The following BRINP1 variants were observed in gnomAD, a reference collection of about 807,000 sequenced individuals.
BRINP1 encodes the protein BMP/retinoic acid-inducible neural-specific protein 1.
Under a neutral mutation model 72.9 loss-of-function variants are expected in BRINP1, and 17 were observed. The ratio of observed to expected loss-of-function variants is 0.23; its 90% CI spans 0.16 to 0.35. The LOEUF (loss-of-function observed/expected upper bound fraction) is 0.35. BRINP1 is among the 10% of genes least tolerant of loss of function. The pLI is 1.00. For missense variants in BRINP1, 850 were observed against 1,001.6 expected (o/e 0.85, Z 2.04); for synonymous variants, 418 against 378.5 (o/e 1.10, Z -1.21).
intron 5 of BRINP1, among the ~76,000 whole-genome samples, chr9:119,232,487 C>A (rs527592616): frequency 6.6e-6 from 1 of 152,214 alleles, no homozygotes; most frequent in East Asian, 1.9e-4. Flanking sequence ...TTGCCATGTT[C>A]TACAAGTTTC....
intron 2 of BRINP1, among the ~76,000 whole-genome samples, chr9:119,292,620 A>G (rs1228340213): frequency 2.6e-5 from 4 of 152,204 alleles, no homozygotes; most frequent in Non-Finnish European, 5.9e-5. Context: ...GACTCTGCCA[A>G]TGCAGAGACT....
At chr9:119,220,323 GGCAC>G (rs1830027351) in intron 5 of BRINP1, among the ~76,000 whole-genome samples, 1 of 152,106 alleles carries the variant, frequency 6.6e-6, no homozygotes, top group African/African-American at 2.4e-5. Flanking sequence ...ATTGCTAGCA[GGCAC>G]TTGGATCAAC....
At chr9:119,254,118 T>C (rs1209336672) in intron 2 of BRINP1, among the ~76,000 whole-genome samples, 4 of 152,296 alleles carry the variant, frequency 2.6e-5, no homozygotes, top group Admixed American at 1.3e-4. Flanking sequence ...TATTCGAAAT[T>C]TGAGCACCTA....
chr9:119,193,767 C>T (rs1257019986), intron 7 of BRINP1, among the ~76,000 whole-genome samples: 5 of 152,200 alleles, frequency 3.3e-5, no homozygotes, highest in Non-Finnish European at 7.3e-5. Context: ...TCTATGTATC[C>T]AGTGGCCACA....
chr9:119,173,422 C>G (rs909604148), intron 7 of BRINP1, among the ~76,000 whole-genome samples: 15 of 150,518 alleles, frequency 1.0e-4, no homozygotes, highest in Non-Finnish European at 1.8e-4. Flanking sequence ...ATCCAACTTA[C>G]AAGGGATGTG....
intron 2 of BRINP1, among the ~76,000 whole-genome samples, chr9:119,260,112 T>G (rs1312626192): frequency 6.6e-6 from 1 of 152,160 alleles, no homozygotes; most frequent in Non-Finnish European, 1.5e-5. Flanking sequence ...TTCAGTTATA[T>G]TCACTGAATA....
chr9:119,325,206 T>G (rs545255446), intron 1 of BRINP1, among the ~76,000 whole-genome samples: 1 of 152,190 alleles, frequency 6.6e-6, no homozygotes, highest in African/African-American at 2.4e-5. Flanking sequence ...AATTTGTATA[T>G]TTTACATTAT....
chr9:119,179,065 A>C (rs1040584892), intron 7 of BRINP1, among the ~76,000 whole-genome samples: 2 of 152,072 alleles, frequency 1.3e-5, no homozygotes, highest in African/African-American at 4.8e-5. Flanking sequence ...TGCAATCTAT[A>C]AATACCACTT....
At chr9:119,312,811 T>C (rs188527388) in intron 2 of BRINP1, among the ~76,000 whole-genome samples, 1 of 152,322 alleles carries the variant, frequency 6.6e-6, no homozygotes, top group East Asian at 1.9e-4. Flanking sequence ...TGAGGCTTGA[T>C]GACCTAATTT....
At chr9:119,242,740 T>C (rs1376730946) in intron 3 of BRINP1, among the ~76,000 whole-genome samples, 1 of 152,222 alleles carries the variant, frequency 6.6e-6, no homozygotes, top group Non-Finnish European at 1.5e-5. Context: ...GATATTTGGA[T>C]GGAAGCAAAT....
chr9:119,358,060 T>C (rs1831586793), intron 1 of BRINP1, among the ~76,000 whole-genome samples: 4 of 152,206 alleles, frequency 2.6e-5, no homozygotes, highest in Admixed American at 2.6e-4. Flanking sequence ...ACCCACAATG[T>C]TCTCATCTGG....
At chr9:119,256,165 T>C (rs557638956) in intron 2 of BRINP1, among the ~76,000 whole-genome samples, 1 of 152,094 alleles carries the variant, frequency 6.6e-6, no homozygotes, top group Non-Finnish European at 1.5e-5. Flanking sequence ...GTTTATACTT[T>C]GTAAAATGTA....
rs77221605 is a variant in BRINP1, at chr9:119,287,536, G to A, written c.218+25602C>T. ...CAGAATACAGAGTCTACTACACTGG[G>A]CTTGTTCCCCGATGAACAAGGAAAC... On this transcript the variant is annotated intron_variant, in intron 2 of 7. Coordinates refer to ENST00000265922, the MANE Select transcript of BRINP1 (RefSeq NM_014618.3). Among the ~76,000 whole-genome samples the A allele has an allele frequency of 8.1e-3, 1,233 of 152,286 alleles. 15 individuals carry two copies. The highest frequency in any genetic ancestry group is 0.029 in the African/African-American group (1,191 of 41,546).
At chr9:119,326,047 T>C (rs1831236765) in intron 1 of BRINP1, among the ~76,000 whole-genome samples, 1 of 152,216 alleles carries the variant, frequency 6.6e-6, no homozygotes, top group African/African-American at 2.4e-5. Flanking sequence ...ATGTATTACT[T>C]GCTAGATACT....
At chr9:119,168,395 T>G (rs555421922) in intron 7 of BRINP1, among the ~76,000 whole-genome samples, 171 bp from the exon 8 acceptor site, 6 of 152,160 alleles carry the variant, frequency 3.9e-5, no homozygotes, top group Non-Finnish European at 7.3e-5. Context: ...ACATTGTAGC[T>G]CCTCCTAATG....
intron 1 of BRINP1, among the ~76,000 whole-genome samples, chr9:119,336,203 CTTTAT>C (rs1259918726): frequency 1.3e-5 from 2 of 152,144 alleles, no homozygotes; most frequent in African/African-American, 4.8e-5. Flanking sequence ...AATGCAGCTG[CTTTAT>C]TTTATGAAAA....
Position 119,285,324 on chromosome 9 carries a change from G to C in BRINP1, c.218+27814C>G, listed in dbSNP as rs992971113. On this transcript the variant is annotated intron_variant, in intron 2 of 7. Transcript: ENST00000265922. ...GCAGAATGGATCTGCACATTCGAAC[G>C]GGATGGCAGAGGGGAATCAAGAAAA... 3.3e-5 allele frequency among the ~76,000 whole-genome samples: 5 copies of C among 152,300 alleles called. No homozygotes were observed. In the East Asian group the frequency reaches 7.7e-4, roughly 24 times the overall value.
At chr9:119,290,952 G>A (rs534449048) in intron 2 of BRINP1, among the ~76,000 whole-genome samples, 2 of 152,038 alleles carry the variant, frequency 1.3e-5, no homozygotes, top group East Asian at 1.9e-4. Flanking sequence ...GTGAAACTCC[G>A]TCTCTACCAA....
At chr9:119,242,592 G>T (rs1292864418) in intron 3 of BRINP1, among the ~76,000 whole-genome samples, 1 of 151,892 alleles carries the variant, frequency 6.6e-6, no homozygotes, top group African/African-American at 2.4e-5. Flanking sequence ...CTCCTCCTTT[G>T]TCTCCTCATT....
Sources: gnomAD v4.1 joint callset for allele counts (sites outside exome capture counted in the v4.1 genomes callset) on GRCh38, gnomAD v4.1.1 for gene constraint, MANE v1.5 for transcripts, NCBI Gene and HGNC (gene_info 2026-07-23, HGNC 2026-07-21) for gene names.